PRKG1: variants seen among roughly 807,000 people sequenced by gnomAD.
PRKG1 encodes the protein protein kinase cGMP-dependent 1, also known as cGMP-dependent protein kinase 1.
A neutral mutation model predicts 88.1 loss-of-function variants in PRKG1; 35 were observed. That is an observed-to-expected ratio of 0.40 (90% CI 0.30 to 0.53). PRKG1 has a LOEUF of 0.53. PRKG1 is among the 20% of genes least tolerant of loss of function. PRKG1 has a pLI of 0.59. For missense variants in PRKG1, 540 were observed against 839.8 expected, an observed-to-expected ratio of 0.64 and a Z score of 4.41; for synonymous variants, 303 against 292.5, an observed-to-expected ratio of 1.04 and a Z score of -0.37.
At chr10:52,028,570 C>T (rs1246341588) in intron 5 of PRKG1, among the ~76,000 whole-genome samples, 1 of 152,180 alleles carries the variant, frequency 6.6e-6, no homozygotes, top group Non-Finnish European at 1.5e-5. Context: ...TTCTGTATAA[C>T]ATGTGCCTAA....
At chr10:51,557,366 A>T (rs995136906) in intron 3 of PRKG1, among the ~76,000 whole-genome samples, 4 of 151,708 alleles carry the variant, frequency 2.6e-5, no homozygotes, top group African/African-American at 9.7e-5. Context: ...ACCCACACAC[A>T]AAAACTCATA....
At chr10:51,606,942 G>C (rs923023363) in intron 3 of PRKG1, among the ~76,000 whole-genome samples, 2 of 152,170 alleles carry the variant, frequency 1.3e-5, no homozygotes, top group Non-Finnish European at 2.9e-5. Flanking sequence ...CTTGGGTGTT[G>C]TTGCACTGCC....
intron 5 of PRKG1, among the ~76,000 whole-genome samples, chr10:52,019,665 C>A (rs1297633071): frequency 6.6e-6 from 1 of 152,178 alleles, no homozygotes; most frequent in Non-Finnish European, 1.5e-5. Context: ...ATTCAGCTCC[C>A]ATGGAAGTAT....
At chr10:51,546,662 C>T (rs1482717449) in intron 3 of PRKG1, among the ~76,000 whole-genome samples, 1 of 152,032 alleles carries the variant, frequency 6.6e-6, no homozygotes, top group African/African-American at 2.4e-5. Flanking sequence ...TTCTCATAAA[C>T]CTCTGAAGAT....
At chr10:51,204,319 A>AT (rs995034601) in intron 2 of PRKG1, among the ~76,000 whole-genome samples, 2 of 149,792 alleles carry the variant, frequency 1.3e-5, no homozygotes, top group South Asian at 2.1e-4. Flanking sequence ...CCTCTTTGGT[A>AT]TTTTTTTTCC....
rs533739606 is a variant in PRKG1, at chr10:51,487,569, G to A, written c.592+19733G>A. 2.6e-5 allele frequency among the ~76,000 whole-genome samples: 4 copies of A among 152,194 alleles called. 1 individual carries two copies. The highest frequency in any genetic ancestry group is 3.9e-4 in the East Asian group (2 of 5,174). ...TCACACCCTTGTATAATCCCTTTCC[G>A]TTGAGGATGGGCTGGACCTCATGAC... On this transcript the variant is annotated intron_variant, in intron 3 of 17. Coordinates refer to ENST00000373980, the MANE Select transcript of PRKG1 (RefSeq NM_006258.4).
intron 3 of PRKG1, among the ~76,000 whole-genome samples, chr10:51,610,661 A>G (rs1273408258): frequency 6.6e-6 from 1 of 152,150 alleles, no homozygotes; most frequent in Non-Finnish European, 1.5e-5. Context: ...GGATAAAGAA[A>G]ATGTGGTACA....
intron 1 of PRKG1, among the ~76,000 whole-genome samples, chr10:51,067,134 G>C (rs1037407830): frequency 6.6e-6 from 1 of 151,726 alleles, no homozygotes; most frequent in Non-Finnish European, 1.5e-5. Flanking sequence ...TGAACTTTGG[G>C]GGAGACATTC....
At chr10:51,609,348 G>A (rs1027959794) in intron 3 of PRKG1, among the ~76,000 whole-genome samples, 1 of 152,212 alleles carries the variant, frequency 6.6e-6, no homozygotes, top group African/African-American at 2.4e-5. Flanking sequence ...CTATATGGGT[G>A]TGTCATTTTT....
chr10:51,768,855 CAAAGAA>C (rs1374713951), intron 3 of PRKG1, among the ~76,000 whole-genome samples: 5 of 151,966 alleles, frequency 3.3e-5, no homozygotes, highest in Non-Finnish European at 7.4e-5. Context: ...AACTATTCAA[CAAAGAA>C]AAATTATTAA....
chr10:51,890,377 CTT>C (rs1841688739), intron 4 of PRKG1, among the ~76,000 whole-genome samples: 1 of 152,160 alleles, frequency 6.6e-6, no homozygotes, highest in Admixed American at 6.5e-5. Context: ...TCCATCAAAA[CTT>C]ACAGGTATCT....
At chr10:51,723,442 G>A (rs1306174969) in intron 3 of PRKG1, among the ~76,000 whole-genome samples, 1 of 152,112 alleles carries the variant, frequency 6.6e-6, no homozygotes, top group Non-Finnish European at 1.5e-5. Context: ...TGAACACAGG[G>A]AAGAGAACAT....
chr10:52,155,557 C>T (rs1838069271), intron 8 of PRKG1, among the ~76,000 whole-genome samples: 1 of 151,678 alleles, frequency 6.6e-6, no homozygotes, highest in African/African-American at 2.4e-5. Context: ...CACAGACAGC[C>T]TAAAATCAAG....
intron 3 of PRKG1, among the ~76,000 whole-genome samples, chr10:51,515,959 T>C (rs1052195858): frequency 1.3e-5 from 2 of 152,140 alleles, no homozygotes; most frequent in Non-Finnish European, 2.9e-5. Context: ...ACAGACAGCA[T>C]TGTGTTATCA....
At chr10:51,380,257 A>C (rs371859124) in intron 2 of PRKG1, among the ~76,000 whole-genome samples, 36 of 152,278 alleles carry the variant, frequency 2.4e-4, no homozygotes, top group African/African-American at 8.2e-4. Context: ...TGCAAAAGAA[A>C]ATTGCTAACT....
At chr10:52,253,734 A>C (rs1841239854) in intron 10 of PRKG1, among the ~76,000 whole-genome samples, 1 of 152,004 alleles carries the variant, frequency 6.6e-6, no homozygotes, top group Non-Finnish European at 1.5e-5. Flanking sequence ...GTTTATATAT[A>C]ATGAACACCA....
intron 3 of PRKG1, among the ~76,000 whole-genome samples, chr10:51,540,583 A>G (rs146746335): frequency 6.6e-6 from 1 of 152,288 alleles, no homozygotes; most frequent in African/African-American, 2.4e-5. Flanking sequence ...TACACATTCA[A>G]TGTGTGCTAT....
chr10:51,340,920 T>C (rs1158067941), intron 2 of PRKG1, among the ~76,000 whole-genome samples: 2 of 152,198 alleles, frequency 1.3e-5, no homozygotes, highest in Non-Finnish European at 2.9e-5. Context: ...AGTAATTGAT[T>C]CTACATCTCA....
At chr10:50,996,020 A>G (rs1406847266) in intron 1 of PRKG1, among the ~76,000 whole-genome samples, 1 of 152,194 alleles carries the variant, frequency 6.6e-6, no homozygotes, top group East Asian at 1.9e-4. Context: ...TATATAAGCA[A>G]GGTCAATGAA....
Sources: gnomAD v4.1 joint callset for allele counts (sites outside exome capture counted in the v4.1 genomes callset) on GRCh38, gnomAD v4.1.1 for gene constraint, MANE v1.5 for transcripts, NCBI Gene and HGNC (gene_info 2026-07-23, HGNC 2026-07-21) for gene names.